Variants in SHROOM2 observed in about 807,000 individuals in gnomAD.
SHROOM2 encodes protein Shroom2.
Under a neutral mutation model 75.9 loss-of-function variants are expected in SHROOM2, and 33 were observed. The observed-to-expected ratio is 0.43, with a 90% CI of 0.33 to 0.58. SHROOM2 has a LOEUF of 0.58. SHROOM2 is among the 20% of genes least tolerant of loss of function. SHROOM2 has a pLI of 0.04. For missense variants in SHROOM2, 1,434 were observed against 1,461.2 expected, an observed-to-expected ratio of 0.98 and a Z score of 0.30; for synonymous variants, 655 against 663.6, an observed-to-expected ratio of 0.99 and a Z score of 0.20.
At chrX:9,820,528 T>C (rs1369880143) in intron 1 of SHROOM2, among the ~76,000 whole-genome samples, 1 of 111,469 alleles carries the variant, frequency 9.0e-6, no homozygotes, top group Non-Finnish European at 1.9e-5. Flanking sequence ...CGTGCCCTGC[T>C]AATTAAAAAG....
At chrX:9,790,333 T>C (rs2083641013) in intron 1 of SHROOM2, among the ~76,000 whole-genome samples, 1 of 112,265 alleles carries the variant, frequency 8.9e-6, no homozygotes, top group Non-Finnish European at 1.9e-5. Flanking sequence ...GGATCAGTTC[T>C]TGTCTCATAT....
At chrX:9,824,656 T>C (rs73472974) in intron 1 of SHROOM2, among the ~76,000 whole-genome samples, 1,396 of 111,056 alleles carry the variant, frequency 0.013, 25 homozygotes, top group African/African-American at 0.043. Context: ...CTGGGAAGAA[T>C]GAGGGTGGAA....
At chrX:9,893,663 C>T (rs2084306200) in intron 3 of SHROOM2, among the ~76,000 whole-genome samples, 1 of 111,251 alleles carries the variant, frequency 9.0e-6, no homozygotes, top group Admixed American at 9.6e-5. Flanking sequence ...CATATAAAAA[C>T]CATTTGGGCT....
chrX:9,885,263 A>G (rs2084254544), intron 2 of SHROOM2, among the ~76,000 whole-genome samples: 1 of 110,115 alleles, frequency 9.1e-6, no homozygotes, highest in African/African-American at 3.3e-5. Flanking sequence ...GCAGGAGGAA[A>G]CACCACAGCC....
At chrX:9,841,757 T>C (rs772632813) in intron 1 of SHROOM2, among the ~76,000 whole-genome samples, 1 of 111,970 alleles carries the variant, frequency 8.9e-6, no homozygotes, top group Non-Finnish European at 1.9e-5. Context: ...AACATTCTAA[T>C]GAGGCTAGGT....
intron 1 of SHROOM2, among the ~76,000 whole-genome samples, chrX:9,814,130 A>C (rs1354023400): frequency 9.0e-6 from 1 of 111,674 alleles, no homozygotes; most frequent in Non-Finnish European, 1.9e-5. Context: ...CCACTCCACC[A>C]TCCCAATCTC....
chrX:9,807,215 G>A (rs777094991), intron 1 of SHROOM2, among the ~76,000 whole-genome samples: 2 of 112,251 alleles, frequency 1.8e-5, no homozygotes, highest in Non-Finnish European at 3.8e-5. Flanking sequence ...CCGTCGCCAT[G>A]CCTAGCGCAT....
At chrX:9,843,420 A>G (rs1438456459) in intron 1 of SHROOM2, among the ~76,000 whole-genome samples, 2 of 107,119 alleles carry the variant, frequency 1.9e-5, no homozygotes, top group East Asian at 2.9e-4. Context: ...TTTAACTGAG[A>G]CAAGGCCTCT....
intron 6 of SHROOM2, among the ~76,000 whole-genome samples, chrX:9,936,485 C>T (rs950414661): frequency 1.8e-5 from 2 of 111,891 alleles, no homozygotes; most frequent in Non-Finnish European, 3.8e-5. Context: ...CTGCTTACTG[C>T]GAGATCGTAT....
intron 1 of SHROOM2, among the ~76,000 whole-genome samples, chrX:9,869,530 A>G (rs1316322097): frequency 9.0e-6 from 1 of 111,353 alleles, no homozygotes; most frequent in East Asian, 2.8e-4. Flanking sequence ...TATCCTTTTG[A>G]TGACTCAGGT....
At chrX:9,821,335 C>T (rs1421884202) in intron 1 of SHROOM2, among the ~76,000 whole-genome samples, 1 of 111,985 alleles carries the variant, frequency 8.9e-6, no homozygotes, top group African/African-American at 3.3e-5. Context: ...GAACCAGTTT[C>T]TAAAGCAGCA....
chrX:9,842,314 C>A (rs930915846), intron 1 of SHROOM2, among the ~76,000 whole-genome samples: 1 of 112,414 alleles, frequency 8.9e-6, no homozygotes, highest in African/African-American at 3.2e-5. Flanking sequence ...AATAGATAAT[C>A]CCAAGGTGTT....
chrX:9,846,628 A>G (rs143853041), intron 1 of SHROOM2, among the ~76,000 whole-genome samples: 59 of 111,635 alleles, frequency 5.3e-4, no homozygotes, highest in South Asian at 4.1e-3. Flanking sequence ...TGGGGTCTTG[A>G]TATGTTGCCC....
At chrX:9,870,763 A>T (rs1397767215) in intron 1 of SHROOM2, among the ~76,000 whole-genome samples, 1 of 112,259 alleles carries the variant, frequency 8.9e-6, no homozygotes, top group Non-Finnish European at 1.9e-5. Context: ...GAGGTCAGTT[A>T]TAGACAGTTT....
At chrX:9,855,078 A>G (rs2084060319) in intron 1 of SHROOM2, among the ~76,000 whole-genome samples, 1 of 108,237 alleles carries the variant, frequency 9.2e-6, no homozygotes, top group African/African-American at 3.4e-5. Flanking sequence ...TTTTTAAAAA[A>G]AAAAAAAAAG....
At chrX:9,801,267 C>A (rs1202918258) in intron 1 of SHROOM2, among the ~76,000 whole-genome samples, 1 of 112,183 alleles carries the variant, frequency 8.9e-6, no homozygotes. Context: ...TTATCTCCCA[C>A]CAGGTCCCTC....
chrX:9,838,134 C>T (rs1372625551), intron 1 of SHROOM2, among the ~76,000 whole-genome samples: 2 of 101,160 alleles, frequency 2.0e-5, no homozygotes, highest in Non-Finnish European at 2.0e-5. Context: ...GATCTCGGCT[C>T]ACTGCAAGCT....
Position 9,937,381 on chromosome X carries a change from G to C in SHROOM2, c.3835G>C (p.Ala1279Pro). Residue 1279 changes from alanine (A) to proline (P), a missense_variant, in exon 7 of 10, where the codon GCT becomes CCT. Physicochemically the swap from Ala to Pro is conservative, Grantham distance 27 (BLOSUM62 -1). This residue lies in a region of SHROOM2 where 1,340 missense variants were observed against 1,338.3 expected (regional missense o/e 1.00). Coordinates refer to ENST00000380913, the MANE Select transcript of SHROOM2 (RefSeq NM_001649.4). ...EPEAPHRAQP[A>P]EPQPLGTQVP... ...CGAGGCCCCACATAGGGCCCAGCCG[G>C]CTGAGCCCCAGCCCCTGGGCACCCA... The C allele has an allele frequency of 8.3e-7, 1 of 1,206,002 alleles. No individual in the cohort carries two copies. Among genetic ancestry groups the C allele is most frequent in the Non-Finnish European group, 1.1e-6 (1 of 892,887 alleles).
At chrX:9,884,369 T>TTCTTC (rs1434033096) in intron 2 of SHROOM2, among the ~76,000 whole-genome samples, 1 of 63,219 alleles carries the variant, frequency 1.6e-5, no homozygotes, top group Non-Finnish European at 2.7e-5. Context: ...TTTTCTTTTC[T>TTCTTC]TTTTTTTTTT....
Sources: allele counts gnomAD v4.1 joint callset (sites outside exome capture counted in the v4.1 genomes callset), GRCh38; gene constraint gnomAD v4.1.1; regional missense constraint gnomAD v4.1.1; transcripts MANE v1.5; gene names NCBI Gene and HGNC (gene_info 2026-07-23, HGNC 2026-07-21).